The following MYLK variants were observed in gnomAD, a reference collection of about 807,000 sequenced individuals.
The protein encoded by MYLK is myosin light chain kinase.
A neutral mutation model predicts 203.4 loss-of-function variants in MYLK; 106 were observed. The observed-to-expected ratio is 0.52, with a 90% CI of 0.45 to 0.61. The LOEUF (loss-of-function observed/expected upper bound fraction) is 0.61. MYLK is among the 20% of genes least tolerant of loss of function. MYLK has a pLI of 0.00. For synonymous variants in MYLK, 867 were observed against 959.5 expected, an observed-to-expected ratio of 0.90 and a Z score of 1.78; for missense variants, 2,072 against 2,442.3, an observed-to-expected ratio of 0.85 and a Z score of 3.20.
At chr3:123,616,127 A>G (rs2057479255) in intron 33 of MYLK, among the ~76,000 whole-genome samples, 1 of 152,218 alleles carries the variant, frequency 6.6e-6, no homozygotes, top group Admixed American at 6.5e-5. Context: ...ATTTTATAGT[A>G]TATAAATTAT....
chr3:123,754,904 T>A (rs2063316439), intron 4 of MYLK, among the ~76,000 whole-genome samples: 1 of 152,244 alleles, frequency 6.6e-6, no homozygotes, highest in Non-Finnish European at 1.5e-5. Context: ...CAAATAAATG[T>A]TATGCATGTT....
At chr3:123,761,885 G>C (rs2063546521) in intron 4 of MYLK, among the ~76,000 whole-genome samples, 1 of 151,980 alleles carries the variant, frequency 6.6e-6, no homozygotes, top group Non-Finnish European at 1.5e-5. Context: ...AAATCAGCTG[G>C]GCATGGTGGC....
rs1011601731 is a variant in MYLK at position 123,709,332 on chromosome 3, A to G, written c.1942+424T>C. The G allele has an allele frequency of 4.0e-4, 100 of 250,938 alleles. No individual in the cohort carries two copies. In the Middle Eastern group the frequency reaches 4.6e-3, roughly 12 times the overall value. The allele number at this position is 250,938 out of a possible 1,614,324, so 15.5% of individuals were successfully genotyped here. A position where few individuals can be genotyped will look rare whatever the true frequency, so the allele number is the denominator to read the frequency against. ...ATTTTTTGTATTTTTTAGTAGAGAC[A>G]GGGTTTCACCGTGTTAGCCAGGATG... is the stretch of plus-strand genomic sequence containing the variant. On this transcript the variant is annotated intron_variant, in intron 14 of 33. Transcript: ENST00000360304.
chr3:123,646,189 T>G (rs2059015397), intron 27 of MYLK, among the ~76,000 whole-genome samples: 1 of 152,126 alleles, frequency 6.6e-6, no homozygotes, highest in Non-Finnish European at 1.5e-5. Context: ...GTATAAGAAG[T>G]TACTTTTTGT....
intron 5 of MYLK, among the ~76,000 whole-genome samples, 160 bp from the exon 6 acceptor site, chr3:123,740,161 T>C (rs764537766): frequency 6.6e-6 from 1 of 152,266 alleles, no homozygotes; most frequent in African/African-American, 2.4e-5. Flanking sequence ...GGTGTTTACA[T>C]ACATTATCAT....
Position 123,752,614 on chromosome 3 carries a change from C to G in MYLK, c.166-76G>C, listed in dbSNP as rs1050648150. Reference sequence around the variant, plus strand: ...TCTGTGTCAGGTATTGTTTGGAGTGCTTTACATGTGTTAACTCATTTAATC... The same window carrying G: ...TCTGTGTCAGGTATTGTTTGGAGTGGTTTACATGTGTTAACTCATTTAATC... On this transcript the variant is annotated intron_variant, in intron 4 of 33. Coordinates refer to ENST00000360304, the MANE Select transcript of MYLK (RefSeq NM_053025.4). 9.4e-6 allele frequency: 13 copies of G among 1,380,964 alleles called. No individual in the cohort carries two copies. In the South Asian group the frequency reaches 1.5e-4, roughly 16 times the overall value. 85.5% of individuals were successfully genotyped at this position (1,380,964 alleles called of 1,614,324 possible).
At chr3:123,830,118 G>A (rs781470891) in intron 3 of MYLK, among the ~76,000 whole-genome samples, 2 of 152,206 alleles carry the variant, frequency 1.3e-5, no homozygotes, top group African/African-American at 2.4e-5. Flanking sequence ...TTTTGGCCAG[G>A]CAGATGTGTC....
intron 29 of MYLK, among the ~76,000 whole-genome samples, chr3:123,634,980 G>A (rs1408013172): frequency 6.6e-6 from 1 of 152,124 alleles, no homozygotes; most frequent in Non-Finnish European, 1.5e-5. Context: ...GGGGCTCCAC[G>A]ACCCCATTCT....
At chr3:123,718,445 T>C (rs1327445143) in intron 13 of MYLK, among the ~76,000 whole-genome samples, 6 of 152,198 alleles carry the variant, frequency 3.9e-5, no homozygotes, top group African/African-American at 1.4e-4. Flanking sequence ...AGTAAATTGT[T>C]TTCTCCTCTC....
At chr3:123,825,953 A>G (rs891679086) in intron 3 of MYLK, among the ~76,000 whole-genome samples, 14 of 152,190 alleles carry the variant, frequency 9.2e-5, no homozygotes, top group Non-Finnish European at 1.9e-4. Context: ...ATGCCCCTGC[A>G]CCAGCAAAGT....
intron 12 of MYLK, among the ~76,000 whole-genome samples, chr3:123,724,741 TTCA>T (rs1041585670): frequency 5.7e-5 from 1 of 17,660 alleles, no homozygotes; most frequent in African/African-American, 8.9e-5. Context: ...TGCTCGCTCT[TTCA>T]TTTATTTATT....
chr3:123,677,957 C>G (rs1042407845), intron 20 of MYLK, among the ~76,000 whole-genome samples: 2 of 135,472 alleles, frequency 1.5e-5, no homozygotes, highest in African/African-American at 5.5e-5. Flanking sequence ...GAGACTGCAG[C>G]CAGGCCAGGG....
chr3:123,632,821 T>C (rs2058492460), intron 29 of MYLK, among the ~76,000 whole-genome samples: 1 of 151,640 alleles, frequency 6.6e-6, no homozygotes, highest in Admixed American at 6.6e-5. Flanking sequence ...TTTTTTTTTT[T>C]TGAGATGCGG....
intron 20 of MYLK, among the ~76,000 whole-genome samples, chr3:123,674,056 C>T (rs1413130526): frequency 6.6e-6 from 1 of 152,178 alleles, no homozygotes; most frequent in East Asian, 1.9e-4. Context: ...CCAGACCTCT[C>T]TCCTGAGCCC....
intron 4 of MYLK, among the ~76,000 whole-genome samples, chr3:123,784,567 C>T (rs2064435314): frequency 6.6e-6 from 1 of 151,972 alleles, no homozygotes; most frequent in South Asian, 2.1e-4. Context: ...TTCACCATCC[C>T]TCTACTTTCG....
chr3:123,696,816 T>G (rs1363775088), intron 18 of MYLK, among the ~76,000 whole-genome samples: 1 of 152,246 alleles, frequency 6.6e-6, no homozygotes, highest in East Asian at 1.9e-4. Flanking sequence ...TACAGTGTTC[T>G]TCATCCCAAA....
intron 1 of MYLK, among the ~76,000 whole-genome samples, chr3:123,881,851 G>T (rs151170317): frequency 6.6e-6 from 1 of 152,180 alleles, no homozygotes; most frequent in Non-Finnish European, 1.5e-5. Context: ...CCCCACCCTT[G>T]GAACTCAAAG....
At chr3:123,617,534 C>A (rs1208195229) in intron 33 of MYLK, 1 of 152,154 alleles carries the variant, frequency 6.6e-6, no homozygotes, top group Non-Finnish European at 1.5e-5. Context: ...CTATTTTTTC[C>A]ATTCCTAACT....
Position 123,746,057 on chromosome 3 carries a change from A to T in MYLK, c.374-6056T>A, listed in dbSNP as rs114685878. Among the ~76,000 whole-genome samples, 312 of 152,132 alleles carry T rather than the reference A, an allele frequency of 2.1e-3. 1 individual carries two copies. Among genetic ancestry groups the T allele is most frequent in the African/African-American group, 7.1e-3 (294 of 41,510 alleles). On this transcript the variant is annotated intron_variant, in intron 5 of 33. Coordinates refer to ENST00000360304, the MANE Select transcript of MYLK (RefSeq NM_053025.4). ...GTTTTTAGTAGAGACGGGTTTCACC[A>T]TGTTGTCAGGCTGGTCTTGAAGTCC...
Sources: gnomAD v4.1 joint callset for allele counts (sites outside exome capture counted in the v4.1 genomes callset) on GRCh38, gnomAD v4.1.1 for gene constraint, MANE v1.5 for transcripts, NCBI Gene and HGNC (gene_info 2026-07-23, HGNC 2026-07-21) for gene names.